Variants in TMEM127 observed in about 807,000 individuals in gnomAD.
TMEM127 encodes the protein transmembrane protein 127.
Under a neutral mutation model 20.1 loss-of-function variants are expected in TMEM127, and 21 were observed. The observed-to-expected ratio is 1.04, with a 90% confidence interval of 0.74 to 1.50. The LOEUF is 1.50. Ranked by LOEUF, TMEM127 falls within the 40% of genes most tolerant of loss-of-function variation. The pLI, the probability that TMEM127 is intolerant of heterozygous loss-of-function variation, is 0.00. For synonymous variants in TMEM127, 150 were observed against 144.7 expected, an observed-to-expected ratio of 1.04 and a Z score of -0.26; for missense variants, 303 against 317.4, an observed-to-expected ratio of 0.95 and a Z score of 0.34.
chr2:96,258,184 G>A (rs960726662), intron 2 of TMEM127, among the ~76,000 whole-genome samples: 1 of 152,168 alleles, frequency 6.6e-6, no homozygotes, highest in African/African-American at 2.4e-5. Flanking sequence ...CCGAGTTCTA[G>A]GTCTGGAGCA....
intron 2 of TMEM127, among the ~76,000 whole-genome samples, chr2:96,259,346 T>C (rs1484533681): frequency 6.6e-6 from 1 of 152,228 alleles, no homozygotes; most frequent in Non-Finnish European, 1.5e-5. Flanking sequence ...TCCCCTACAC[T>C]GTGCTGCTCG....
Position 96,265,194 on chromosome 2 carries a change from C to T in TMEM127, c.188G>A (p.Arg63His), listed in dbSNP as rs1187661049. The T allele has an allele frequency of 6.2e-6, 10 of 1,609,060 alleles. No individual in the cohort carries two copies. Among genetic ancestry groups the T allele is most frequent in the Non-Finnish European group, 8.5e-6 (10 of 1,178,870 alleles). ...WLHIHGGTCS[R>H]QELGVSDVLG... ...CACGTCGGAGACCCCCAGCTCCTGG[C>T]GCGAACAGGTGCCTCCGTGGATGTG... The change falls in exon 2 of 4, where the codon CGC becomes CAC. Residue 63 changes from arginine (R) to histidine (H), a missense_variant. Transcript: ENST00000258439.
At chr2:96,258,214 T>G (rs1447446710) in intron 2 of TMEM127, among the ~76,000 whole-genome samples, 2 of 152,170 alleles carry the variant, frequency 1.3e-5, no homozygotes, top group African/African-American at 4.8e-5. Flanking sequence ...AATCTGGATT[T>G]TAACAAGCAG....
At position 96,251,802 on chromosome 2, in the gene TMEM127, T is replaced by C; in HGVS notation, c.*2006A>G. The stretch of plus-strand genomic sequence containing the variant: ...AGAGGAAGGCCAAAGACATGGGGAG[T>C]GAATAAAAAGTGGGTTCCGGATCGT... On this transcript the variant is annotated 3_prime_UTR_variant, in exon 4 of 4. Transcript: ENST00000258439. The C allele has an allele frequency of 4.4e-6, 1 of 228,816 alleles. No individual in the cohort carries two copies. The highest frequency in any genetic ancestry group is 1.3e-3 in the Middle Eastern group (1 of 766). 14.2% of individuals were successfully genotyped at this position (228,816 alleles called of 1,614,324 possible).
Position 96,260,295 on chromosome 2 carries a change from C to T in TMEM127, c.244+4843G>A, listed in dbSNP as rs752820876. Among the ~76,000 whole-genome samples the T allele has an allele frequency of 1.4e-4, 21 of 152,232 alleles. 1 individual carries two copies. The highest frequency in any genetic ancestry group is 2.6e-4 in the Non-Finnish European group (18 of 68,036). ...GTCAGTATCTCAATGTCTTTCTCTC[C>T]TCCCTTCCTAGACGTCGGTACAGCA... On this transcript the variant is annotated intron_variant, in intron 2 of 3. Coordinates refer to ENST00000258439, the MANE Select transcript of TMEM127 (RefSeq NM_017849.4).
In TMEM127 at chr2:96,249,037, A is replaced by G. The variant is rs1034941821; in HGVS notation, c.*4771T>C. 39 of 233,968 alleles carry G rather than the reference A, an allele frequency of 1.7e-4. No homozygotes were observed. The East Asian group carries it at 2.3e-3, about 14-fold the overall frequency. 14.5% of individuals were successfully genotyped at this position (233,968 alleles called of 1,614,324 possible). A position where few individuals can be genotyped will look rare whatever the true frequency, so the allele number is the denominator to read the frequency against. ...GGGCACTGCTCTCTCCCCCAGCAAA[A>G]AAGCCAAGAATTTTCCCCAAAGCTT... On this transcript the variant is annotated 3_prime_UTR_variant, in exon 4 of 4. Transcript: ENST00000258439.
rs779189359 is a variant in TMEM127 at position 96,253,850 on chromosome 2, C to A, written c.675G>T (p.Glu225Asp). 1 of 1,613,916 alleles carries A rather than the reference C, an allele frequency of 6.2e-7. No individual in the cohort carries two copies. Among genetic ancestry groups the A allele is most frequent in the Non-Finnish European group, 8.5e-7 (1 of 1,179,858 alleles). Residue 225 changes from glutamate (E) to aspartate (D), a missense_variant, in exon 4 of 4, where the codon GAG (glutamate) becomes GAT (aspartate). Glu to Asp is a conservative substitution (Grantham distance 45). Coordinates refer to ENST00000258439, the MANE Select transcript of TMEM127 (RefSeq NM_017849.4). This position sits in a 1 kb window ranked among gnomAD's most constrained non-coding sequence, Gnocchi z 4.3. ...GGGGTGGCTGGAACTGGTTGATGAC[C>A]TCATATTCCGCCGGGTAGGGCTCGT... ...EENEPYPAEYEVINQFQPPPA... is the reference protein window; with the variant it reads ...EENEPYPAEYDVINQFQPPPA...
In TMEM127 at chr2:96,252,410, G is replaced by C. The variant is rs1416683436; in HGVS notation, c.*1398C>G. On this transcript the variant is annotated 3_prime_UTR_variant, in exon 4 of 4. Coordinates refer to ENST00000258439, the MANE Select transcript of TMEM127 (RefSeq NM_017849.4). This position sits in a 1 kb window ranked among gnomAD's most constrained non-coding sequence, Gnocchi z 4.2. ...TTGGCCATCTGGATCTACACTGAAG[G>C]TCTTTCAAGTTTCATCCACTTTATG... is the stretch of plus-strand genomic sequence containing the variant. 1 of 233,518 alleles carries C rather than the reference G, an allele frequency of 4.3e-6. No homozygotes were observed. Among genetic ancestry groups the C allele is most frequent in the African/African-American group, 2.2e-5 (1 of 45,366 alleles). 14.5% of individuals were successfully genotyped at this position (233,518 alleles called of 1,614,324 possible). A position where few individuals can be genotyped will look rare whatever the true frequency, so the allele number is the denominator to read the frequency against.
At chr2:96,259,548 T>A (rs865790013) in intron 2 of TMEM127, among the ~76,000 whole-genome samples, 1 of 152,170 alleles carries the variant, frequency 6.6e-6, no homozygotes, top group African/African-American at 2.4e-5. Context: ...CAAAAAAGGT[T>A]TGGGTCATTA....
intron 2 of TMEM127, among the ~76,000 whole-genome samples, chr2:96,256,260 ACT>A (rs1192326643): frequency 7.2e-6 from 1 of 139,248 alleles, no homozygotes; most frequent in Non-Finnish European, 1.5e-5. Flanking sequence ...ACAGAGTGAG[ACT>A]CTGTCTCAAA....
chr2:96,265,059 T>A, intron 2 of TMEM127, 79 bp downstream of exon 2: 1 of 1,585,446 alleles, frequency 6.3e-7, no homozygotes, highest in Non-Finnish European at 8.6e-7. Flanking sequence ...AAGTGTCTGG[T>A]CCCTGGCTAT....
chr2:96,262,143 C>G (rs1684322971), intron 2 of TMEM127, among the ~76,000 whole-genome samples: 1 of 151,980 alleles, frequency 6.6e-6, no homozygotes, highest in Non-Finnish European at 1.5e-5. Flanking sequence ...CCTGTAATTC[C>G]AACTACTCGT....
rs182313050 is a variant in TMEM127, at chr2:96,256,635, T to G, written c.245-1638A>C. 2.0e-5 allele frequency among the ~76,000 whole-genome samples: 3 copies of G among 151,324 alleles called. No homozygotes were observed. In the East Asian group the frequency reaches 5.8e-4, roughly 29 times the overall value. On this transcript the variant is annotated intron_variant, in intron 2 of 3. Transcript: ENST00000258439. Reference sequence around the variant, plus strand: ...TGTTATGTATATTTTACCACAATTTTAAAAAAAAGTAAAATAAAGAAAAGA... The same window carrying G: ...TGTTATGTATATTTTACCACAATTTGAAAAAAAAGTAAAATAAAGAAAAGA...
chr2:96,255,255 C>A (rs62153029), intron 2 of TMEM127, among the ~76,000 whole-genome samples: 1 of 152,182 alleles, frequency 6.6e-6, no homozygotes, highest in Non-Finnish European at 1.5e-5. Flanking sequence ...TTCTACTTCA[C>A]TGTGTATGCC....
rs928704862 is a variant in TMEM127 at position 96,253,581 on chromosome 2, G to C, written c.*227C>G. ...TGACTCGTGAATGTGAAGGGGGCAG[G>C]ATGTGGCAGGAGGGAAAGAGTACAT... On this transcript the variant is annotated 3_prime_UTR_variant, in exon 4 of 4. Coordinates refer to ENST00000258439, the MANE Select transcript of TMEM127 (RefSeq NM_017849.4). The surrounding 1 kb of genome is among the most constrained non-coding windows in gnomAD (Gnocchi z 4.3). The C allele has an allele frequency of 3.2e-5, 18 of 568,764 alleles. No homozygotes were observed. Among genetic ancestry groups the C allele is most frequent in the Middle Eastern group, 9.3e-4 (2 of 2,146 alleles). 35.2% of individuals were successfully genotyped at this position (568,764 alleles called of 1,614,324 possible). A position where few individuals can be genotyped will look rare whatever the true frequency, so the allele number is the denominator to read the frequency against.
Position 96,248,741 on chromosome 2 carries a change from C to T in TMEM127, c.*5067G>A, listed in dbSNP as rs1179848120. The stretch of plus-strand genomic sequence containing the variant: ...TCTACCAAGACAGAAGGACAGGAAC[C>T]TTCCAAACAGGGCAGCCTGCAGGCC... On this transcript the variant is annotated 3_prime_UTR_variant, in exon 4 of 4. Coordinates refer to ENST00000258439, the MANE Select transcript of TMEM127 (RefSeq NM_017849.4). 1 of 230,516 alleles carries T rather than the reference C, an allele frequency of 4.3e-6. No individual in the cohort carries two copies. Among genetic ancestry groups the T allele is most frequent in the African/African-American group, 2.2e-5 (1 of 45,192 alleles). The allele number at this position is 230,516 out of a possible 1,614,324, so 14.3% of individuals were successfully genotyped here.
chr2:96,261,930 C>T (rs1472178349), intron 2 of TMEM127, among the ~76,000 whole-genome samples: 1 of 152,166 alleles, frequency 6.6e-6, no homozygotes, highest in East Asian at 1.9e-4. Context: ...CTCCCATCAC[C>T]GGCAGAGACC....
Position 96,254,028 on chromosome 2 carries a change from C to T in TMEM127, c.497G>A (p.Gly166Glu). The T allele has an allele frequency of 6.2e-7, 1 of 1,614,140 alleles. No homozygotes were observed. Among genetic ancestry groups the T allele is most frequent in the Non-Finnish European group, 8.5e-7 (1 of 1,180,024 alleles). ...AQQQQHKKYH[G>E]SQVYVTFAVS... is the part of the protein sequence containing the mutation. The stretch of plus-strand genomic sequence containing the variant: ...GGCGAAGGTGACATAGACCTGGGAT[C>T]CATGGTACTTCTTATGCTGCTGCTG... Residue 166 changes from glycine (G) to glutamate (E), a missense_variant, in exon 4 of 4, where the codon GGA (glycine) becomes GAA (glutamate). Gly to Glu is a moderately conservative substitution (Grantham distance 98). Transcript: ENST00000258439.
chr2:96,264,661 G>T (rs1015693446), intron 2 of TMEM127, among the ~76,000 whole-genome samples: 1 of 152,142 alleles, frequency 6.6e-6, no homozygotes, highest in Non-Finnish European at 1.5e-5. Flanking sequence ...GCAATGGAAC[G>T]GTCTTCCGAT....
Sources: allele counts gnomAD v4.1 joint callset (sites outside exome capture counted in the v4.1 genomes callset), GRCh38; gene constraint gnomAD v4.1.1; non-coding constraint Gnocchi (gnomAD v3.1); transcripts MANE v1.5; gene names NCBI Gene and HGNC (gene_info 2026-07-23, HGNC 2026-07-21).